The following ZNF395 variants were observed in gnomAD, a reference collection of about 807,000 sequenced individuals.
The protein encoded by ZNF395 is zinc finger protein 395, also known as HD gene regulatory region-binding protein 2.
A neutral mutation model predicts 57.7 loss-of-function variants in ZNF395; 20 were observed. The ratio of observed to expected loss-of-function variants is 0.35; its 90% CI spans 0.24 to 0.50. The LOEUF is 0.50. Ranked by LOEUF, ZNF395 falls within the 20% of genes least tolerant of loss-of-function variation. The probability of loss-of-function intolerance (pLI) is 0.97; values close to 1 mark genes in which losing one functional copy is unlikely to be tolerated. For missense variants in ZNF395, 606 were observed against 671.2 expected, an observed-to-expected ratio of 0.90 and a Z score of 1.07; for synonymous variants, 295 against 275.9, an observed-to-expected ratio of 1.07 and a Z score of -0.69.
intron 1 of ZNF395, among the ~76,000 whole-genome samples, chr8:28,379,417 C>A (rs1333482111): frequency 2.0e-5 from 3 of 152,106 alleles, no homozygotes; most frequent in Non-Finnish European, 4.4e-5. Context: ...GTAGACCCAG[C>A]CACTTGGGAG....
chr8:28,357,064 G>A (rs866985009), intron 3 of ZNF395, among the ~76,000 whole-genome samples: 6 of 152,080 alleles, frequency 3.9e-5, no homozygotes, highest in Non-Finnish European at 7.4e-5. Flanking sequence ...CCACTGTGAC[G>A]CCCTGAGACA....
intron 1 of ZNF395, among the ~76,000 whole-genome samples, chr8:28,381,460 G>A (rs1262171883): frequency 2.0e-5 from 3 of 152,176 alleles, no homozygotes; most frequent in African/African-American, 7.2e-5. Flanking sequence ...TGGGATTACA[G>A]GTGTGAGCCA....
chr8:28,350,142 G>T lies in ZNF395; in HGVS notation c.1248C>A (p.Phe416Leu). The T allele has an allele frequency of 6.2e-7, 1 of 1,605,988 alleles. No homozygotes were observed. ...AGATGTGTGGTGAGACTGGGATCTG[G>T]AAGGATGGCAGAGCCTGCGGAAGAC... ...ADHAYQALPS[F>L]QIPVSPHIYT... Residue 416 changes from phenylalanine (F) to leucine (L), a missense_variant, in exon 8 of 10, where the codon TTC becomes TTA. This residue lies in a region of ZNF395 where 261 missense variants were observed against 240.3 expected (regional missense o/e 1.09). Coordinates refer to ENST00000344423, the MANE Select transcript of ZNF395 (RefSeq NM_018660.3).
rs1801602310 is a variant in ZNF395, at chr8:28,346,492, C to T, written c.*2227G>A. ...GCACAAGCGCAGGCAGGGAAGGTGG[C>T]ACCAAAACCTAGTAAGAACAAAGCA... On this transcript the variant is annotated 3_prime_UTR_variant, in exon 10 of 10. Coordinates refer to ENST00000344423, the MANE Select transcript of ZNF395 (RefSeq NM_018660.3). 1 of 152,654 alleles carries T rather than the reference C, an allele frequency of 6.6e-6. No homozygotes were observed. Among genetic ancestry groups the T allele is most frequent in the East Asian group, 1.9e-4 (1 of 5,178 alleles). The allele number at this position is 152,654 out of a possible 1,614,324, so 9.5% of individuals were successfully genotyped here. A position where few individuals can be genotyped will look rare whatever the true frequency, so the allele number is the denominator to read the frequency against.
chr8:28,351,606 G>A lies in ZNF395; in HGVS notation c.1122C>T (p.Ala374=), dbSNP rs772840919. 21 of 1,613,620 alleles carry A rather than the reference G, an allele frequency of 1.3e-5. No homozygotes were observed. The highest frequency in any genetic ancestry group is 2.7e-5 in the African/African-American group (2 of 74,940). The change falls in exon 7 of 10, where the codon GCC becomes GCT. Residue 374 remains alanine, a synonymous_variant. Coordinates refer to ENST00000344423, the MANE Select transcript of ZNF395 (RefSeq NM_018660.3). ...CAGGATGTTCTGGGCCGGAGGACTG[G>A]GCTTTGTGCAGAGGTGGTGGAAGAG... ...LSALPPPLHK[A]QSSGPEHPGP...
intron 1 of ZNF395, among the ~76,000 whole-genome samples, chr8:28,376,719 G>A (rs907955872): frequency 1.3e-5 from 2 of 152,196 alleles, no homozygotes; most frequent in African/African-American, 4.8e-5. Context: ...CACAGTTGAT[G>A]TGACAGACAC....
chr8:28,367,936 T>C (rs906822783), intron 1 of ZNF395, among the ~76,000 whole-genome samples: 1 of 152,148 alleles, frequency 6.6e-6, no homozygotes, highest in African/African-American at 2.4e-5. Flanking sequence ...TAAAAACAGG[T>C]AGACAGAAGG....
chr8:28,364,156 C>A lies in ZNF395; in HGVS notation c.-58-2974G>T, dbSNP rs117715072. ...TGGTCTTCTATTTCTGATGAGGTGA[C>A]AACCTCAGAGAGGTCAGGATGCCAA... On this transcript the variant is annotated intron_variant, in intron 1 of 9. Transcript: ENST00000344423. Among the ~76,000 whole-genome samples, 19 of 152,290 alleles carry A rather than the reference C, an allele frequency of 1.2e-4. No individual in the cohort carries two copies. In the East Asian group the frequency reaches 2.7e-3, roughly 22 times the overall value.
At chr8:28,378,761 G>A (rs1802075880) in intron 1 of ZNF395, among the ~76,000 whole-genome samples, 1 of 152,120 alleles carries the variant, frequency 6.6e-6, no homozygotes, top group Non-Finnish European at 1.5e-5. Flanking sequence ...TTTGGAGGTC[G>A]GCCTAATTCC....
intron 1 of ZNF395, among the ~76,000 whole-genome samples, chr8:28,370,499 G>C (rs1422383233): frequency 6.6e-6 from 1 of 152,204 alleles, no homozygotes; most frequent in Non-Finnish European, 1.5e-5. Context: ...GGCTGAATGA[G>C]AGTTCACCCC....
chr8:28,372,009 C>T (rs763873173), intron 1 of ZNF395, among the ~76,000 whole-genome samples: 1 of 151,950 alleles, frequency 6.6e-6, no homozygotes, highest in Non-Finnish European at 1.5e-5. Flanking sequence ...TGCCACTGCA[C>T]TCTAGCCTGG....
At position 28,385,934 on chromosome 8, in the gene ZNF395, G is replaced by T. The variant is rs1282335905; in HGVS notation, c.-59+459C>A. ...CCGCCGGCCCGACAGCCGCGGGCGC[G>T]CGGGGCGTGGGAAGTTCGCGGCCGC... On this transcript the variant is annotated intron_variant, in intron 1 of 9. Transcript: ENST00000344423. The T allele has an allele frequency of 7.6e-5, 11 of 145,652 alleles. No individual in the cohort carries two copies. In the East Asian group the frequency reaches 8.1e-4, roughly 11 times the overall value. 9.0% of individuals were successfully genotyped at this position (145,652 alleles called of 1,614,324 possible). A position where few individuals can be genotyped will look rare whatever the true frequency, so the allele number is the denominator to read the frequency against.
intron 1 of ZNF395, among the ~76,000 whole-genome samples, chr8:28,363,478 T>G (rs1338600279): frequency 6.6e-6 from 1 of 152,140 alleles, no homozygotes; most frequent in Non-Finnish European, 1.5e-5. Flanking sequence ...CCTTCGTCTT[T>G]GGAGCCTCAG....
rs371302969 is a variant in ZNF395 at position 28,353,152 on chromosome 8, A to G, written c.819+21T>C. On this transcript the variant is annotated intron_variant, in intron 5 of 9. Coordinates refer to ENST00000344423, the MANE Select transcript of ZNF395 (RefSeq NM_018660.3). ...ATCATCCGCTCCAGCCTGGGCTCCCACTCACACCACAATCACGTACCTTTC... is the reference window on the plus strand; with the variant it reads ...ATCATCCGCTCCAGCCTGGGCTCCCGCTCACACCACAATCACGTACCTTTC... The G allele has an allele frequency of 9.3e-6, 15 of 1,611,586 alleles. No homozygotes were observed. The African/African-American group carries it at 1.7e-4, about 19-fold the overall frequency.
intron 1 of ZNF395, among the ~76,000 whole-genome samples, chr8:28,370,392 G>A (rs890274331): frequency 2.0e-5 from 3 of 152,186 alleles, no homozygotes; most frequent in East Asian, 1.9e-4. Flanking sequence ...TGCCTTAAAC[G>A]TATTTTTCTC....
At chr8:28,371,298 A>T (rs1243885226) in intron 1 of ZNF395, among the ~76,000 whole-genome samples, 2 of 152,118 alleles carry the variant, frequency 1.3e-5, no homozygotes, top group African/African-American at 2.4e-5. Flanking sequence ...CTGCCACCTC[A>T]ACCTCCCAAA....
chr8:28,374,624 G>A (rs947292527), intron 1 of ZNF395, among the ~76,000 whole-genome samples: 2 of 152,146 alleles, frequency 1.3e-5, no homozygotes, highest in African/African-American at 4.8e-5. Flanking sequence ...GGGCTTTGCA[G>A]CACAGATCTT....
chr8:28,349,380 G>A, intron 8 of ZNF395, 152 bp from the exon 9 acceptor site: 1 of 523,122 alleles, frequency 1.9e-6, no homozygotes, highest in Non-Finnish European at 3.2e-6. Context: ...GGAGCTCTTG[G>A]CAGGAGAGTG....
In ZNF395 at chr8:28,371,153, G is replaced by A. The variant is rs148616425; in HGVS notation, c.-58-9971C>T. On this transcript the variant is annotated intron_variant, in intron 1 of 9. Transcript: ENST00000344423. ...GCTAGAAAATGACAGAACTCAGAAT[G>A]TGAGCCCAAATGTGTCTGATTTCAA... 2.6e-4 allele frequency among the ~76,000 whole-genome samples: 40 copies of A among 152,278 alleles called. 1 individual carries two copies. The East Asian group carries it at 6.8e-3, about 26-fold the overall frequency.
Sources: gnomAD v4.1 joint callset for allele counts (sites outside exome capture counted in the v4.1 genomes callset) on GRCh38, gnomAD v4.1.1 for gene constraint, gnomAD v4.1.1 regional missense constraint, MANE v1.5 for transcripts, NCBI Gene and HGNC (gene_info 2026-07-23, HGNC 2026-07-21) for gene names.